ATP9A: variants seen among roughly 807,000 people sequenced by gnomAD.
The protein encoded by ATP9A is ATPase phospholipid transporting 9A.
ATP9A carries 52 observed loss-of-function variants against 144.1 expected under a neutral mutation model. The observed-to-expected ratio is 0.36, with a 90% CI of 0.29 to 0.45. The LOEUF is 0.45. ATP9A is among the 20% of genes least tolerant of loss of function. The pLI is 1.00. For synonymous variants in ATP9A, 582 were observed against 557.4 expected (o/e 1.04, Z -0.62); for missense variants, 947 against 1,392.7 (o/e 0.68, Z 5.09).
Position 51,642,726 on chromosome 20 carries a change from C to CAA in ATP9A, c.1507-3224_1507-3223dup, listed in dbSNP as rs778440862. Among the ~76,000 whole-genome samples the CAA allele has an allele frequency of 2.6e-3, 82 of 31,108 alleles. 4 individuals carry two copies. The highest frequency in any genetic ancestry group is 3.0e-3 in the African/African-American group (34 of 11,154). 20.4% of individuals were successfully genotyped at this position (31,108 alleles called of 152,430 possible). On this transcript the variant is annotated intron_variant, in intron 14 of 27. Coordinates refer to ENST00000338821, the MANE Select transcript of ATP9A (RefSeq NM_006045.3). Reference sequence around the variant, plus strand: ...GGGTGACTGAGTGAGACTCTGTCTCCAAAAAAAAAAAAAAAAAAAAAAAAA... The same window carrying CAA: ...GGGTGACTGAGTGAGACTCTGTCTCCAAAAAAAAAAAAAAAAAAAAAAAAAAA...
chr20:51,760,534 C>T (rs2077874881), intron 1 of ATP9A, among the ~76,000 whole-genome samples: 1 of 151,448 alleles, frequency 6.6e-6, no homozygotes. Context: ...CGAGACTAGC[C>T]TGGCCAACAT....
chr20:51,685,581 A>G (rs8182917), intron 9 of ATP9A, among the ~76,000 whole-genome samples: 1 of 150,090 alleles, frequency 6.7e-6, no homozygotes, highest in Non-Finnish European at 1.5e-5. Flanking sequence ...AAAGAAAAGA[A>G]AAAAGAAAAG....
chr20:51,674,296 C>G lies in ATP9A; in HGVS notation c.894G>C (p.Leu298Phe). 1.2e-6 allele frequency: 2 copies of G among 1,613,350 alleles called. No individual in the cohort carries two copies. The highest frequency in any genetic ancestry group is 1.7e-6 in the Non-Finnish European group (2 of 1,179,938). Residue 298 changes from leucine to phenylalanine, a missense_variant, in exon 11 of 28, where the codon TTG (leucine) becomes TTC (phenylalanine). Transcript: ENST00000338821. ...NPRSKIGLFD[L>F]EVNCLTKILF... is the part of the protein sequence containing the mutation. ...GGATCTTGGTGAGGCAGTTCACTTCCAAGTCGAACAGGCCGATCTGTGGGA... is the reference window on the plus strand; with the variant it reads ...GGATCTTGGTGAGGCAGTTCACTTCGAAGTCGAACAGGCCGATCTGTGGGA...
At chr20:51,729,553 TG>T (rs971279287) in intron 2 of ATP9A, among the ~76,000 whole-genome samples, 11 of 152,108 alleles carry the variant, frequency 7.2e-5, no homozygotes, top group Non-Finnish European at 1.2e-4. Flanking sequence ...AAGACCGGCC[TG>T]GCCAACATGG....
intron 11 of ATP9A, among the ~76,000 whole-genome samples, chr20:51,673,356 A>T (rs2077464164): frequency 6.6e-6 from 1 of 152,130 alleles, no homozygotes; most frequent in Admixed American, 6.6e-5. Context: ...CCTGGGCGAC[A>T]GAGCAAGACT....
At position 51,598,743 on chromosome 20, in the gene ATP9A, T is replaced by G. The variant is rs2122697119; in HGVS notation, c.*2468A>C. The G allele has an allele frequency of 6.6e-6, 1 of 152,304 alleles. No homozygotes were observed. The highest frequency in any genetic ancestry group is 1.9e-4 in the East Asian group (1 of 5,172). The allele number at this position is 152,304 out of a possible 1,614,324, so 9.4% of individuals were successfully genotyped here. ...GACTGCATCCTCCTGCCTTTGCGTC[T>G]CCAGTGTCTGAGAAGCACGGTGTGT... On this transcript the variant is annotated 3_prime_UTR_variant, in exon 28 of 28. Coordinates refer to ENST00000338821, the MANE Select transcript of ATP9A (RefSeq NM_006045.3).
At chr20:51,682,350 T>C (rs2077503305) in intron 9 of ATP9A, among the ~76,000 whole-genome samples, 1 of 152,002 alleles carries the variant, frequency 6.6e-6, no homozygotes, top group Admixed American at 6.6e-5. Flanking sequence ...TGGTGAACCG[T>C]CCACAAAAAA....
intron 4 of ATP9A, among the ~76,000 whole-genome samples, chr20:51,698,280 T>C (rs1312462764): frequency 6.6e-6 from 1 of 152,194 alleles, no homozygotes; most frequent in African/African-American, 2.4e-5. Context: ...TCCCAGGACT[T>C]TGGAAGGCCG....
chr20:51,737,506 A>G (rs1279961806), intron 1 of ATP9A, among the ~76,000 whole-genome samples: 3 of 152,162 alleles, frequency 2.0e-5, no homozygotes, highest in Non-Finnish European at 4.4e-5. Context: ...CAATATATAT[A>G]CATTCAGCCT....
intron 12 of ATP9A, among the ~76,000 whole-genome samples, chr20:51,670,470 C>A (rs186588881): frequency 1.3e-5 from 2 of 152,294 alleles, no homozygotes; most frequent in East Asian, 1.9e-4. Context: ...TAGAAAGATA[C>A]ATCCCTAATG....
intron 15 of ATP9A, 52 bp downstream of exon 15, chr20:51,639,291 C>T: frequency 1.3e-6 from 2 of 1,545,550 alleles, no homozygotes; most frequent in Non-Finnish European, 1.8e-6. Context: ...GGGACACACG[C>T]AGCACACCTG....
At chr20:51,678,384 A>G (rs1264648715) in intron 9 of ATP9A, among the ~76,000 whole-genome samples, 1 of 152,174 alleles carries the variant, frequency 6.6e-6, no homozygotes, top group African/African-American at 2.4e-5. Context: ...TGCAGTAAAG[A>G]GCCCGCCCCC....
intron 26 of ATP9A, among the ~76,000 whole-genome samples, chr20:51,605,869 T>C (rs1041167981): frequency 2.7e-5 from 4 of 149,884 alleles, no homozygotes; most frequent in Admixed American, 2.7e-4. Flanking sequence ...GCCGAGATCG[T>C]GCCACTGCAC....
At chr20:51,628,947 A>C in intron 16 of ATP9A, 33 bp downstream of exon 16, 5 of 1,557,844 alleles carry the variant, frequency 3.2e-6, no homozygotes, top group Non-Finnish European at 4.4e-6. Flanking sequence ...ACATGCTTCC[A>C]AGGCCTGGTT....
At chr20:51,693,026 T>A (rs1000660064) in intron 7 of ATP9A, among the ~76,000 whole-genome samples, 5 of 152,152 alleles carry the variant, frequency 3.3e-5, no homozygotes, top group South Asian at 2.1e-4. Flanking sequence ...GTGTTCCACT[T>A]CATCCTTCCA....
At chr20:51,673,904 G>A (rs2077466586) in intron 11 of ATP9A, among the ~76,000 whole-genome samples, 1 of 151,960 alleles carries the variant, frequency 6.6e-6, no homozygotes, top group Non-Finnish European at 1.5e-5. Context: ...ACAAAAATTA[G>A]CCAGGCATGG....
chr20:51,603,768 TTTA>T (rs1555826897), intron 27 of ATP9A, among the ~76,000 whole-genome samples: 2 of 76,736 alleles, frequency 2.6e-5, no homozygotes, highest in African/African-American at 6.4e-5. Flanking sequence ...CATAACATTT[TTTA>T]TTATTTATTT....
intron 2 of ATP9A, among the ~76,000 whole-genome samples, chr20:51,727,526 T>C (rs1228496218): frequency 1.3e-5 from 2 of 149,996 alleles, no homozygotes; most frequent in African/African-American, 2.5e-5. Flanking sequence ...GCGGAGATAG[T>C]AGTGAGCCAA....
chr20:51,737,025 T>C (rs941226308), intron 1 of ATP9A, among the ~76,000 whole-genome samples: 4 of 152,184 alleles, frequency 2.6e-5, no homozygotes, highest in Non-Finnish European at 5.9e-5. Flanking sequence ...ATTCCCATTG[T>C]TACAGTGGAT....
Sources: gnomAD v4.1 joint callset for allele counts (sites outside exome capture counted in the v4.1 genomes callset) on GRCh38, gnomAD v4.1.1 for gene constraint, MANE v1.5 for transcripts, NCBI Gene and HGNC (gene_info 2026-07-23, HGNC 2026-07-21) for gene names.